Variants in DOCK9 observed in about 807,000 individuals in gnomAD.
The protein encoded by DOCK9 is dedicator of cytokinesis protein 9.
In DOCK9, 89 loss-of-function variants were observed where a neutral mutation model predicts 263.3. The observed-to-expected ratio is 0.34, with a 90% CI of 0.28 to 0.40. The LOEUF (loss-of-function observed/expected upper bound fraction) is 0.40. DOCK9 is among the 10% of genes least tolerant of loss of function. The pLI is 1.00. For synonymous variants in DOCK9, 976 were observed against 973.1 expected, an observed-to-expected ratio of 1.00 and a Z score of -0.06; for missense variants, 2,140 against 2,603.4, an observed-to-expected ratio of 0.82 and a Z score of 3.87.
chr13:98,813,036 C>CATGAACT lies in DOCK9; in HGVS notation c.5131-2752_5131-2746dup, dbSNP rs544261700. Among the ~76,000 whole-genome samples the CATGAACT allele has an allele frequency of 1.2e-3, 189 of 152,288 alleles. 1 individual carries two copies. Among genetic ancestry groups the CATGAACT allele is most frequent in the African/African-American group, 4.2e-3 (176 of 41,562 alleles). On this transcript the variant is annotated intron_variant, in intron 45 of 52. Coordinates refer to ENST00000682017, the MANE Select transcript of DOCK9 (RefSeq NM_001366683.2). ...GTTTCTAAAAATTACATTAAGTAAT[C>CATGAACT]ATGAACTATACAGTAAAACCATAGT...
At chr13:98,972,636 T>C (rs1213151071) in intron 1 of DOCK9, among the ~76,000 whole-genome samples, 8 of 152,160 alleles carry the variant, frequency 5.3e-5, no homozygotes, top group Non-Finnish European at 4.4e-5. Flanking sequence ...CATGTAACAC[T>C]GATCACATGA....
Position 98,903,067 on chromosome 13 carries a change from C to T in DOCK9, c.1081G>A (p.Glu361Lys), listed in dbSNP as rs1369320183. The change falls in exon 11 of 53, where the codon GAG (glutamate) becomes AAG (lysine). Residue 361 changes from glutamate to lysine, a missense_variant. Transcript: ENST00000682017. ...SAEPEVKSFEEKFGKRILVKC... is the reference protein window; with the variant it reads ...SAEPEVKSFEKKFGKRILVKC... The stretch of plus-strand genomic sequence containing the variant: ...ACAAGGATCCTTTTTCCAAACTTCT[C>T]TTCAAATGACTTCACTTCTGGCTCA... 3 of 1,533,104 alleles carry T rather than the reference C, an allele frequency of 2.0e-6. No individual in the cohort carries two copies. Among genetic ancestry groups the T allele is most frequent in the Non-Finnish European group, 2.6e-6 (3 of 1,140,388 alleles). 95.0% of individuals were successfully genotyped at this position (1,533,104 alleles called of 1,614,324 possible).
chr13:98,949,309 C>T (rs1026725475), intron 2 of DOCK9, among the ~76,000 whole-genome samples: 2 of 152,120 alleles, frequency 1.3e-5, no homozygotes, highest in African/African-American at 4.8e-5. Flanking sequence ...TATTTCAAGT[C>T]TTCAAAACAA....
intron 1 of DOCK9, among the ~76,000 whole-genome samples, chr13:99,001,723 C>A (rs772108807): frequency 5.9e-5 from 9 of 152,218 alleles, no homozygotes; most frequent in Non-Finnish European, 1.3e-4. Context: ...GACAGGACAG[C>A]CTGAGATATC....
Position 98,863,036 on chromosome 13 carries a change from G to T in DOCK9, c.3562C>A (p.Pro1188Thr), listed in dbSNP as rs1339085831. 6.2e-7 allele frequency: 1 copy of T among 1,609,130 alleles called. No individual in the cohort carries two copies. Among genetic ancestry groups the T allele is most frequent in the South Asian group, 1.1e-5 (1 of 89,380 alleles). The part of the protein sequence containing the change: ...RINVRDVSPF[P>T]VNAGMTVKDE... ...TTACGTACCATGCCCGCGTTCACAG[G>T]GAAGGGTGACACATCCCTCACATTG... Residue 1188 changes from proline to threonine, a missense_variant, in exon 32 of 53, where the codon CCT becomes ACT. By Grantham distance (38) the Pro-to-Thr change is conservative. Coordinates refer to ENST00000682017, the MANE Select transcript of DOCK9 (RefSeq NM_001366683.2).
intron 1 of DOCK9, among the ~76,000 whole-genome samples, chr13:99,049,512 T>G (rs1382019077): frequency 6.6e-6 from 1 of 152,134 alleles, no homozygotes; most frequent in African/African-American, 2.4e-5. Flanking sequence ...AGGCTACTGA[T>G]GTAACAGCTG....
At chr13:99,049,461 A>C (rs1182854257) in intron 1 of DOCK9, among the ~76,000 whole-genome samples, 4 of 152,192 alleles carry the variant, frequency 2.6e-5, no homozygotes, top group Admixed American at 2.6e-4. Context: ...GGAAAAGAAA[A>C]GAAAAGAAAA....
rs1477484313 is a variant in DOCK9, at chr13:98,826,847, T to C, written c.5006A>G (p.Glu1669Gly). ...CYVHVTALVA[E>G]YLTRKGVFRQ... ...TTCCTTACCTTTCCGTGTGAGATAT[T>C]CTGCCACTAGGGCTGTTACGTGGAC... Residue 1669 changes from glutamate to glycine, a missense_variant, in exon 44 of 53, where the codon GAA becomes GGA. Physicochemically the swap from Glu to Gly is moderately conservative, Grantham distance 98. Transcript: ENST00000682017. 1.2e-6 allele frequency: 2 copies of C among 1,610,682 alleles called. No homozygotes were observed. The highest frequency in any genetic ancestry group is 8.5e-7 in the Non-Finnish European group (1 of 1,178,426).
Position 98,936,385 on chromosome 13 carries a change from C to T in DOCK9, c.244-6128G>A, listed in dbSNP as rs112627980. On this transcript the variant is annotated intron_variant, in intron 2 of 52. Coordinates refer to ENST00000682017, the MANE Select transcript of DOCK9 (RefSeq NM_001366683.2). ...AATGAGTAAATACACTTTGGGAGGCCGAGGTGGGAGGACTGCTTGAGACCA... is the reference window on the plus strand; with the variant it reads ...AATGAGTAAATACACTTTGGGAGGCTGAGGTGGGAGGACTGCTTGAGACCA... Among the ~76,000 whole-genome samples, 601 of 151,968 alleles carry T rather than the reference C, an allele frequency of 4.0e-3. 4 individuals carry two copies. Among genetic ancestry groups the T allele is most frequent in the African/African-American group, 0.014 (574 of 41,464 alleles).
chr13:99,014,455 T>C (rs148622081), intron 1 of DOCK9, among the ~76,000 whole-genome samples: 17 of 152,306 alleles, frequency 1.1e-4, no homozygotes, highest in African/African-American at 3.8e-4. Flanking sequence ...TCCCACATAT[T>C]GCGAGTGCTA....
At chr13:98,974,111 G>C (rs1389123621) in intron 1 of DOCK9, among the ~76,000 whole-genome samples, 1 of 151,926 alleles carries the variant, frequency 6.6e-6, no homozygotes, top group Non-Finnish European at 1.5e-5. Context: ...CTAAACTGTT[G>C]AGCAGTAACA....
At chr13:98,879,280 G>T (rs1256890590) in intron 27 of DOCK9, among the ~76,000 whole-genome samples, 3 of 152,116 alleles carry the variant, frequency 2.0e-5, no homozygotes, top group Admixed American at 6.5e-5. Context: ...AAGCAGGGGG[G>T]ACCCACGGTC....
At chr13:99,046,827 A>C (rs559193392) in intron 1 of DOCK9, among the ~76,000 whole-genome samples, 1 of 152,346 alleles carries the variant, frequency 6.6e-6, no homozygotes, top group Non-Finnish European at 1.5e-5. Flanking sequence ...ACATCACCAG[A>C]AATGTCTCAT....
intron 7 of DOCK9, among the ~76,000 whole-genome samples, chr13:98,918,633 G>A (rs1229070767): frequency 6.6e-6 from 1 of 152,098 alleles, no homozygotes; most frequent in Non-Finnish European, 1.5e-5. Context: ...GAAATTCCAA[G>A]GTAAAATGAT....
At chr13:98,930,859 G>C (rs1187171707) in intron 2 of DOCK9, among the ~76,000 whole-genome samples, 1 of 152,150 alleles carries the variant, frequency 6.6e-6, no homozygotes, top group Non-Finnish European at 1.5e-5. Flanking sequence ...GATCAGGCTG[G>C]TCTCGAACTC....
At chr13:99,064,617 C>G (rs1399843746) in intron 1 of DOCK9, among the ~76,000 whole-genome samples, 1 of 152,246 alleles carries the variant, frequency 6.6e-6, no homozygotes, top group Non-Finnish European at 1.5e-5. Flanking sequence ...TATATCCCCT[C>G]TCTAAATAAC....
chr13:98,988,195 G>A (rs1485239624), intron 1 of DOCK9, among the ~76,000 whole-genome samples: 1 of 152,162 alleles, frequency 6.6e-6, no homozygotes, highest in Non-Finnish European at 1.5e-5. Context: ...CTCCTTCAGA[G>A]CTGGGACCAG....
chr13:98,943,914 G>A (rs1413235652), intron 2 of DOCK9, among the ~76,000 whole-genome samples: 2 of 152,154 alleles, frequency 1.3e-5, no homozygotes, highest in African/African-American at 4.8e-5. Flanking sequence ...AGCTACCCCT[G>A]ACGGAAGATA....
intron 1 of DOCK9, among the ~76,000 whole-genome samples, chr13:99,052,498 G>T (rs908914037): frequency 6.6e-6 from 1 of 152,162 alleles, no homozygotes; most frequent in African/African-American, 2.4e-5. Flanking sequence ...GTTTTAATTT[G>T]CATTTCCCTG....
Sources: gnomAD v4.1 joint callset for allele counts (sites outside exome capture counted in the v4.1 genomes callset) on GRCh38, gnomAD v4.1.1 for gene constraint, MANE v1.5 for transcripts, NCBI Gene and HGNC (gene_info 2026-07-23, HGNC 2026-07-21) for gene names.